The following IFT122 variants were observed in gnomAD, a reference collection of about 807,000 sequenced individuals.
IFT122 encodes the protein intraflagellar transport protein 122 homolog.
Under a neutral mutation model 161.6 loss-of-function variants are expected in IFT122, and 118 were observed. The ratio of observed to expected loss-of-function variants is 0.73; its 90% CI spans 0.63 to 0.85. The LOEUF (loss-of-function observed/expected upper bound fraction) is 0.85. Ranked by LOEUF, IFT122 falls within the 40% of genes least tolerant of loss-of-function variation. The pLI is 0.00. For missense variants in IFT122, 1,381 were observed against 1,579.6 expected (o/e 0.87, Z 2.13); for synonymous variants, 550 against 602.4 (o/e 0.91, Z 1.27).
In IFT122 at chr3:129,512,425, T is replaced by G; in HGVS notation, c.2987+13T>G. The G allele has an allele frequency of 1.9e-6, 3 of 1,549,248 alleles. No homozygotes were observed. The highest frequency in any genetic ancestry group is 2.7e-6 in the Non-Finnish European group (3 of 1,120,788). On this transcript the variant is annotated intron_variant, in intron 24 of 29. Transcript: ENST00000348417. ...GCATCTCTAAAGTGTATCCTTTCTC[T>G]TATCCCTCCTCCGTCCCACCACCGT...
intron 9 of IFT122, 45 bp downstream of exon 9, chr3:129,469,462 T>C (rs1430419304): frequency 7.0e-7 from 1 of 1,427,518 alleles, no homozygotes; most frequent in African/African-American, 1.4e-5. Context: ...GCCTGTTATA[T>C]TTTCATTTTC....
chr3:129,519,868 C>A, intron 29 of IFT122, 136 bp downstream of exon 29: 3 of 1,055,604 alleles, frequency 2.8e-6, no homozygotes, highest in Non-Finnish European at 4.3e-6. Flanking sequence ...GCTTGTCTGT[C>A]CTCTCCCCTG....
chr3:129,497,927 G>C (rs1241188365), intron 18 of IFT122, among the ~76,000 whole-genome samples: 1 of 152,080 alleles, frequency 6.6e-6, no homozygotes, highest in East Asian at 1.9e-4. Context: ...ATGCTTTCTG[G>C]ATAAGTGACA....
chr3:129,449,861 T>C lies in IFT122; in HGVS notation c.42-10T>C, dbSNP rs1435120476. 1.9e-6 allele frequency: 3 copies of C among 1,607,528 alleles called. No homozygotes were observed. The highest frequency in any genetic ancestry group is 2.6e-6 in the Non-Finnish European group (3 of 1,173,972). ...TTCCTAATTGTCTTTTTCCCTTGTC[T>C]TCTGTTCAGTATAAATGACATCGCA... On this transcript the variant is annotated splice_polypyrimidine_tract_variant and intron_variant, in intron 1 of 29. Transcript: ENST00000348417.
intron 18 of IFT122, among the ~76,000 whole-genome samples, chr3:129,498,911 C>T (rs1260466044): frequency 1.3e-5 from 2 of 152,194 alleles, no homozygotes; most frequent in Non-Finnish European, 2.9e-5. Context: ...CAAACTCCCA[C>T]GTGTGTATTT....
Position 129,477,996 on chromosome 3 carries a change from G to T in IFT122, c.1148-20G>T. 1.2e-6 allele frequency: 2 copies of T among 1,606,872 alleles called. No homozygotes were observed. The highest frequency in any genetic ancestry group is 1.7e-6 in the Non-Finnish European group (2 of 1,173,500). ...ACATAACAACCTCTTGCTAGAACTA[G>T]ATATTTTTTTCTTTGACAGTTCGGA... On this transcript the variant is annotated intron_variant, in intron 11 of 29. Coordinates refer to ENST00000348417, the MANE Select transcript of IFT122 (RefSeq NM_052989.3).
chr3:129,465,961 C>T lies in IFT122; in HGVS notation c.564-929C>T, dbSNP rs1475971017. Among the ~76,000 whole-genome samples the T allele has an allele frequency of 1.1e-4, 16 of 151,944 alleles. No individual in the cohort carries two copies. In the South Asian group the frequency reaches 3.3e-3, roughly 32 times the overall value. On this transcript the variant is annotated intron_variant, in intron 7 of 29. Coordinates refer to ENST00000348417, the MANE Select transcript of IFT122 (RefSeq NM_052989.3). ...ACGCCTGGCTAATTTTTTGTTGCCA[C>T]CACACCTGGCTAATTTTTTGTATTT... is the stretch of plus-strand genomic sequence containing the variant.
chr3:129,513,427 A>G (rs896091001), intron 24 of IFT122: 2 of 152,238 alleles, frequency 1.3e-5, no homozygotes, highest in African/African-American at 4.8e-5. Context: ...CAGGCCCATT[A>G]TGTACATTTC....
intron 19 of IFT122, 94 bp downstream of exon 19, chr3:129,500,162 T>G: frequency 7.1e-7 from 1 of 1,412,292 alleles, no homozygotes; most frequent in Non-Finnish European, 1.0e-6. Context: ...CTTTTCTAAT[T>G]ATCTAAAGCT....
chr3:129,499,297 G>A (rs1428274774), intron 18 of IFT122, among the ~76,000 whole-genome samples: 1 of 152,264 alleles, frequency 6.6e-6, no homozygotes, highest in African/African-American at 2.4e-5. Flanking sequence ...TGATTCTCTA[G>A]TTCAGGGCAC....
Position 129,460,717 on chromosome 3 carries a change from TGAAG to T in IFT122, c.273-507_273-504del, listed in dbSNP as rs2076124992. On this transcript the variant is annotated intron_variant, in intron 4 of 29. Transcript: ENST00000348417. ...GGTGTACAAATCAACAAACAATTTT[TGAAG>T]GAATGAATGAATGAGTGAAGTTGTA... is the stretch of plus-strand genomic sequence containing the variant. 4.0e-6 allele frequency: 3 copies of T among 753,130 alleles called. No individual in the cohort carries two copies. The Admixed American group carries it at 5.7e-5, about 14-fold the overall frequency. 46.7% of individuals were successfully genotyped at this position (753,130 alleles called of 1,614,324 possible). A position where few individuals can be genotyped will look rare whatever the true frequency, so the allele number is the denominator to read the frequency against.
chr3:129,459,285 T>TTTGTA (rs1396483595), intron 4 of IFT122: 1 of 425,956 alleles, frequency 2.3e-6, no homozygotes, highest in Non-Finnish European at 4.4e-6. Context: ...GCATCTATTT[T>TTTGTA]TTGTTTTGTT....
At position 129,502,859 on chromosome 3, in the gene IFT122, G is replaced by C. The variant is rs761464058; in HGVS notation, c.2524G>C (p.Val842Leu). 1.2e-6 allele frequency: 2 copies of C among 1,611,690 alleles called. No individual in the cohort carries two copies. Among genetic ancestry groups the C allele is most frequent in the South Asian group, 2.2e-5 (2 of 91,092 alleles). Residue 842 changes from valine to leucine, a missense_variant, in exon 20 of 30, where the codon GTG (valine) becomes CTG (leucine). Around this residue, in one of 7 missense-constraint regions of IFT122, gnomAD observed 496 missense variants for 502.5 expected, o/e 0.99. Coordinates refer to ENST00000348417, the MANE Select transcript of IFT122 (RefSeq NM_052989.3). ...GDLKSLVQLHVETQRWDEAFA... is the reference protein window; with the variant it reads ...GDLKSLVQLHLETQRWDEAFA... ...CCTCAAGTCCCTGGTGCAGCTGCAC[G>C]TGGAGACCCAGCGCTGGGATGAGGT...
chr3:129,517,128 A>G (rs2083986536), intron 26 of IFT122, among the ~76,000 whole-genome samples: 3 of 147,646 alleles, frequency 2.0e-5, no homozygotes, highest in African/African-American at 7.6e-5. Context: ...GCTCCTGCAC[A>G]CACACATGGA....
chr3:129,505,073 A>G (rs1379322577), intron 21 of IFT122, among the ~76,000 whole-genome samples: 2 of 152,216 alleles, frequency 1.3e-5, no homozygotes, highest in African/African-American at 2.4e-5. Context: ...TATTAATCAT[A>G]TTTTTTAAAG....
intron 5 of IFT122, 76 bp downstream of exon 5, chr3:129,461,380 T>C (rs1470094692): frequency 9.6e-7 from 1 of 1,043,152 alleles, no homozygotes; most frequent in Non-Finnish European, 1.5e-6. Context: ...GCATTCAGAA[T>C]ATGGTGATTT....
intron 4 of IFT122, among the ~76,000 whole-genome samples, chr3:129,459,960 A>C (rs1056501021): frequency 6.6e-6 from 1 of 151,470 alleles, no homozygotes; most frequent in African/African-American, 2.4e-5. Context: ...ACAGGGTTTC[A>C]CTTTGTTGCC....
At chr3:129,451,761 CGTT>C (rs1274405102) in intron 2 of IFT122, among the ~76,000 whole-genome samples, 150 bp from the exon 3 acceptor site, 1 of 152,110 alleles carries the variant, frequency 6.6e-6, no homozygotes, top group African/African-American at 2.4e-5. Flanking sequence ...CTTTAAGTCA[CGTT>C]GTTTTTGGTT....
intron 2 of IFT122, among the ~76,000 whole-genome samples, chr3:129,451,410 AC>A (rs1697275635): frequency 6.6e-6 from 1 of 152,144 alleles, no homozygotes; most frequent in Admixed American, 6.5e-5. Flanking sequence ...GGAGTGAGCT[AC>A]CATGCCTGGC....
Sources: gnomAD v4.1 joint callset for allele counts (sites outside exome capture counted in the v4.1 genomes callset) on GRCh38, gnomAD v4.1.1 for gene constraint, gnomAD v4.1.1 regional missense constraint, MANE v1.5 for transcripts, NCBI Gene and HGNC (gene_info 2026-07-23, HGNC 2026-07-21) for gene names.